The following CLTC variants were observed in gnomAD, a reference collection of about 807,000 sequenced individuals.
CLTC encodes clathrin heavy chain 1.
Under a neutral mutation model 195.8 loss-of-function variants are expected in CLTC, and 16 were observed. That is an observed-to-expected ratio of 0.08 (90% CI 0.06 to 0.12). The LOEUF (loss-of-function observed/expected upper bound fraction) is 0.12, where lower values mean the gene tolerates loss of function less well. Ranked by LOEUF, CLTC falls within the 10% of genes least tolerant of loss-of-function variation. The pLI, the probability that CLTC is intolerant of heterozygous loss-of-function variation, is 1.00. For synonymous variants in CLTC, 667 were observed against 689.4 expected (o/e 0.97, Z 0.51); for missense variants, 796 against 2,027.0 (o/e 0.39, Z 11.66).
intron 1 of CLTC, among the ~76,000 whole-genome samples, chr17:59,634,275 A>G (rs2031804091): frequency 6.6e-6 from 1 of 152,110 alleles, no homozygotes; most frequent in Non-Finnish European, 1.5e-5. Context: ...CACCCCTGCC[A>G]TTGAATGTAG....
At chr17:59,680,751 T>C (rs2033065478) in intron 18 of CLTC, among the ~76,000 whole-genome samples, 161 bp from the exon 19 acceptor site, 1 of 152,226 alleles carries the variant, frequency 6.6e-6, no homozygotes, top group Non-Finnish European at 1.5e-5. Context: ...ATTATACATA[T>C]TGTATAGATT....
At chr17:59,652,251 T>G (rs1343890334) in intron 5 of CLTC, among the ~76,000 whole-genome samples, 5 of 152,232 alleles carry the variant, frequency 3.3e-5, no homozygotes, top group Non-Finnish European at 7.3e-5. Context: ...CAAACTCCTT[T>G]TAATGTTGAT....
At chr17:59,687,079 A>G (rs1224509705) in intron 30 of CLTC, 8 of 917,628 alleles carry the variant, frequency 8.7e-6, no homozygotes, top group Non-Finnish European at 1.0e-5. Flanking sequence ...AGGAATTTGC[A>G]TGATGTTTTT....
At chr17:59,675,458 G>A (rs2032945765) in intron 16 of CLTC, among the ~76,000 whole-genome samples, 1 of 152,198 alleles carries the variant, frequency 6.6e-6, no homozygotes, top group Non-Finnish European at 1.5e-5. Context: ...TGGTATGCTA[G>A]TGGGAAGTTC....
In CLTC at chr17:59,683,755, A is replaced by G; in HGVS notation, c.4322A>G (p.Lys1441Arg). Residue 1441 changes from lysine (K) to arginine (R), a missense_variant and splice_region_variant, in exon 27 of 32, where the codon AAG (lysine) becomes AGG (arginine). Physicochemically the swap from Lys to Arg is conservative, Grantham distance 26. Around this residue, in one of 9 missense-constraint regions of CLTC, gnomAD observed 148 missense variants for 279.5 expected, o/e 0.53. Transcript: ENST00000269122. The surrounding 1 kb of genome is among the most constrained non-coding windows in gnomAD (Gnocchi z 6.1). Reference protein sequence around the residue: ...DHTRAVNYFSKVKQLPLVKPY... With the variant: ...DHTRAVNYFSRVKQLPLVKPY... ...ACTCGTGCAGTCAATTATTTCAGCA[A>G]GGTAAAGTAATAATTTTAAACCAAA... The G allele has an allele frequency of 1.2e-6, 2 of 1,614,158 alleles. No homozygotes were observed. Among genetic ancestry groups the G allele is most frequent in the Non-Finnish European group, 1.7e-6 (2 of 1,180,018 alleles).
chr17:59,681,883 A>G lies in CLTC; in HGVS notation c.3442+44A>G, dbSNP rs373570348. On this transcript the variant is annotated intron_variant, in intron 21 of 31. Coordinates refer to ENST00000269122, the MANE Select transcript of CLTC (RefSeq NM_004859.4). This position sits in a 1 kb window ranked among gnomAD's most constrained non-coding sequence, Gnocchi z 5.0. ...TGTATTGAAACCTCATAAAATGATT[A>G]AGCTAAGCATTAAGATATCTGTCTA... The G allele has an allele frequency of 4.7e-6, 7 of 1,505,086 alleles. No homozygotes were observed. The African/African-American group carries it at 6.9e-5, about 15-fold the overall frequency. The allele number at this position is 1,505,086 out of a possible 1,614,324, so 93.2% of individuals were successfully genotyped here.
In CLTC at chr17:59,666,174, T is replaced by G. The variant is rs181696643; in HGVS notation, c.1716T>G (p.Asn572Lys). Residue 572 changes from asparagine to lysine, a missense_variant, in exon 11 of 32, where the codon AAT becomes AAG. This residue lies in a region of CLTC where 293 missense variants were observed against 795.6 expected (regional missense o/e 0.37). Coordinates refer to ENST00000269122, the MANE Select transcript of CLTC (RefSeq NM_004859.4). The surrounding 1 kb of genome is among the most constrained non-coding windows in gnomAD (Gnocchi z 4.9). ...CATTCTTGCTTGATGCTCTGAAGAA[T>G]AATCGCCCATCTGAAGGTCCTTTAC... ...CTAFLLDALK[N>K]NRPSEGPLQT... 2.5e-6 allele frequency: 4 copies of G among 1,613,890 alleles called. No individual in the cohort carries two copies. Among genetic ancestry groups the G allele is most frequent in the Non-Finnish European group, 3.4e-6 (4 of 1,179,874 alleles).
In CLTC at chr17:59,651,335, A is replaced by G. The variant is rs1567946039; in HGVS notation, c.795+19A>G. On this transcript the variant is annotated intron_variant, in intron 5 of 31. Transcript: ENST00000269122. ...AATGCAGGTATTTTAAGCAAAATAA[A>G]TGACTTTTTAAAAATCTCTCCTCTT... 4 of 1,535,352 alleles carry G rather than the reference A, an allele frequency of 2.6e-6. No individual in the cohort carries two copies. Among genetic ancestry groups the G allele is most frequent in the Non-Finnish European group, 3.6e-6 (4 of 1,111,074 alleles).
chr17:59,669,881 G>A (rs1483610955), intron 14 of CLTC, among the ~76,000 whole-genome samples: 1 of 152,146 alleles, frequency 6.6e-6, no homozygotes, highest in Non-Finnish European at 1.5e-5. Context: ...TCATTTGTGT[G>A]TGTGGTTGCA....
intron 28 of CLTC, chr17:59,684,282 A>C (rs1349598108): frequency 3.9e-6 from 1 of 257,536 alleles, no homozygotes; most frequent in East Asian, 8.3e-5. Flanking sequence ...CTAATTCATA[A>C]AATTTATTTG....
chr17:59,657,678 G>C (rs192113964), intron 6 of CLTC, among the ~76,000 whole-genome samples: 65 of 149,722 alleles, frequency 4.3e-4, no homozygotes, highest in African/African-American at 1.5e-3. Flanking sequence ...TGAGGCAAAA[G>C]AATCACTTGA....
chr17:59,636,416 C>T (rs1384746506), intron 1 of CLTC, among the ~76,000 whole-genome samples: 3 of 152,108 alleles, frequency 2.0e-5, no homozygotes, highest in South Asian at 2.1e-4. Flanking sequence ...GAGCATTCAA[C>T]GTAGATTTCT....
chr17:59,623,606 G>A (rs2031452620), intron 1 of CLTC, among the ~76,000 whole-genome samples: 1 of 152,154 alleles, frequency 6.6e-6, no homozygotes, highest in African/African-American at 2.4e-5. Flanking sequence ...TTTGTACCTT[G>A]CTTTTAAAAG....
At position 59,661,647 on chromosome 17, in the gene CLTC, C is replaced by T. The variant is rs1212549384; in HGVS notation, c.1368+4C>T. On this transcript the variant is annotated splice_donor_region_variant and intron_variant, in intron 8 of 31. Coordinates refer to ENST00000269122, the MANE Select transcript of CLTC (RefSeq NM_004859.4). ...GAAATGGTTAAAAGAAGATAAGGTA[C>T]GTTAAATTATGTTGACATAATCTTG... 6.2e-6 allele frequency: 10 copies of T among 1,612,694 alleles called. No homozygotes were observed. The highest frequency in any genetic ancestry group is 1.3e-5 in the African/African-American group (1 of 74,958).
intron 1 of CLTC, among the ~76,000 whole-genome samples, chr17:59,644,071 T>C (rs2032119844): frequency 6.6e-6 from 1 of 152,216 alleles, no homozygotes; most frequent in African/African-American, 2.4e-5. Flanking sequence ...CTGCCTCTTA[T>C]TTGAAACAGT....
At position 59,647,540 on chromosome 17, in the gene CLTC, T is replaced by C. The variant is rs1215091728; in HGVS notation, c.393T>C (p.Ser131=). The change falls in exon 3 of 32, where the codon AGT becomes AGC. Residue 131 remains serine (S), a synonymous_variant. Transcript: ENST00000269122. ...CGGATAATGCAGTTTATCACTGGAG[T>C]ATGGAAGGAGAGTCTCAGCCAGTGA... ...LVTDNAVYHW[S]MEGESQPVKM... is the part of the protein sequence containing the mutation. 1.2e-6 allele frequency: 2 copies of C among 1,614,006 alleles called. No individual in the cohort carries two copies. The highest frequency in any genetic ancestry group is 1.7e-6 in the Non-Finnish European group (2 of 1,179,990).
chr17:59,655,563 A>G (rs562751800), intron 5 of CLTC, among the ~76,000 whole-genome samples: 95 of 144,396 alleles, frequency 6.6e-4, no homozygotes, highest in African/African-American at 2.5e-3. Context: ...GTAAAGATTC[A>G]TCTGCACTGC....
At chr17:59,680,755 A>G (rs892881650) in intron 18 of CLTC, among the ~76,000 whole-genome samples, 157 bp from the exon 19 acceptor site, 10 of 152,240 alleles carry the variant, frequency 6.6e-5, no homozygotes, top group African/African-American at 4.8e-5. Context: ...TACATATTGT[A>G]TAGATTTGTG....
At chr17:59,661,829 A>G (rs1047261685) in intron 8 of CLTC, among the ~76,000 whole-genome samples, 186 bp downstream of exon 8, 10 of 152,126 alleles carry the variant, frequency 6.6e-5, no homozygotes, top group African/African-American at 2.4e-4. Context: ...TTCGCCGGGC[A>G]TGGTGGCTCA....
Sources: allele counts gnomAD v4.1 joint callset (sites outside exome capture counted in the v4.1 genomes callset), GRCh38; gene constraint gnomAD v4.1.1; regional missense constraint gnomAD v4.1.1; non-coding constraint Gnocchi (gnomAD v3.1); transcripts MANE v1.5; gene names NCBI Gene and HGNC (gene_info 2026-07-23, HGNC 2026-07-21).